Variants in NVL observed in about 807,000 individuals in gnomAD.
NVL encodes the protein nuclear VCP like.
NVL carries 84 observed loss-of-function variants against 110.2 expected under a neutral mutation model. That is an observed-to-expected ratio of 0.76 (90% CI 0.64 to 0.91). NVL has a LOEUF of 0.91. Ranked by LOEUF, NVL falls within the 40% of genes least tolerant of loss-of-function variation. NVL has a pLI of 0.00. For missense variants in NVL, 882 were observed against 1,035.9 expected, an observed-to-expected ratio of 0.85 and a Z score of 2.04; for synonymous variants, 354 against 361.1, an observed-to-expected ratio of 0.98 and a Z score of 0.22.
intron 6 of NVL, among the ~76,000 whole-genome samples, chr1:224,306,686 G>C (rs1253883743): frequency 6.6e-6 from 1 of 152,252 alleles, no homozygotes; most frequent in East Asian, 1.9e-4. Flanking sequence ...ACAAAACTTA[G>C]CCAGGTGTGG....
intron 13 of NVL, among the ~76,000 whole-genome samples, chr1:224,288,578 TTTG>T (rs1267617547): frequency 2.0e-5 from 3 of 151,936 alleles, no homozygotes; most frequent in Admixed American, 1.3e-4. Context: ...AAGGAATGAG[TTTG>T]TTATTTTTTA....
intron 15 of NVL, among the ~76,000 whole-genome samples, chr1:224,284,109 G>T (rs1293945396): frequency 6.6e-6 from 1 of 152,142 alleles, no homozygotes; most frequent in African/African-American, 2.4e-5. Context: ...ACATAGGGAA[G>T]ACAGTTCTAA....
chr1:224,286,395 G>C (rs185896239), intron 14 of NVL, among the ~76,000 whole-genome samples: 1 of 151,844 alleles, frequency 6.6e-6, no homozygotes. Context: ...TAGTAGAGTC[G>C]GGGTTTCACC....
At chr1:224,270,927 A>C (rs1665030349) in intron 17 of NVL, among the ~76,000 whole-genome samples, 1 of 152,224 alleles carries the variant, frequency 6.6e-6, no homozygotes, top group Admixed American at 6.5e-5. Flanking sequence ...AGTTTTTGTG[A>C]AGGATGATAC....
At chr1:224,249,889 A>G (rs1165427523) in intron 19 of NVL, among the ~76,000 whole-genome samples, 1 of 152,160 alleles carries the variant, frequency 6.6e-6, no homozygotes, top group East Asian at 1.9e-4. Context: ...GGGTGCCACC[A>G]TATCTGGCTA....
chr1:224,256,966 A>T, intron 18 of NVL: 1 of 473,162 alleles, frequency 2.1e-6, no homozygotes, highest in Non-Finnish European at 4.4e-6. Context: ...AACCACCACC[A>T]CCTTGCACCT....
intron 19 of NVL, among the ~76,000 whole-genome samples, chr1:224,239,942 G>A (rs1397635241): frequency 2.0e-5 from 3 of 152,158 alleles, no homozygotes; most frequent in African/African-American, 7.2e-5. Flanking sequence ...TGTGTCACCA[G>A]GCTGGAGTGC....
Position 224,317,905 on chromosome 1 carries a change from T to C in NVL, c.157A>G (p.Asn53Asp). ...TTTTCTACCTGAATCCTAAAAGCAT[T>C]TCTTTTTCTTCGACCATAGTCTATA... ...YSIDYGRRKR[N>D]AFRIQVEKVF... is the part of the protein sequence containing the mutation. Residue 53 changes from asparagine to aspartate, a missense_variant, in exon 3 of 23, where the codon AAT becomes GAT. By Grantham distance (23) the Asn-to-Asp change is conservative. Around this residue, in one of 4 missense-constraint regions of NVL, gnomAD observed 274 missense variants for 268.4 expected, o/e 1.02. Transcript: ENST00000281701. The C allele has an allele frequency of 6.3e-7, 1 of 1,598,564 alleles. No individual in the cohort carries two copies. The highest frequency in any genetic ancestry group is 8.6e-7 in the Non-Finnish European group (1 of 1,168,536).
chr1:224,318,850 G>A (rs903677009), intron 2 of NVL, among the ~76,000 whole-genome samples: 4 of 151,398 alleles, frequency 2.6e-5, no homozygotes, highest in African/African-American at 7.3e-5. Context: ...TTAGCCAGGC[G>A]TGGTGGTGGG....
intron 12 of NVL, among the ~76,000 whole-genome samples, chr1:224,290,948 G>A (rs1366623881): frequency 1.3e-5 from 2 of 152,146 alleles, no homozygotes; most frequent in East Asian, 1.9e-4. Context: ...CAGCCCGGAC[G>A]ACAGAGCAAG....
chr1:224,239,354 T>C (rs1197228913), intron 19 of NVL, among the ~76,000 whole-genome samples: 1 of 152,142 alleles, frequency 6.6e-6, no homozygotes, highest in Non-Finnish European at 1.5e-5. Flanking sequence ...TGAGTATATA[T>C]AATTTTGTGC....
intron 4 of NVL, among the ~76,000 whole-genome samples, chr1:224,315,083 C>A (rs1332013152): frequency 1.3e-5 from 2 of 151,076 alleles, no homozygotes; most frequent in African/African-American, 4.9e-5. Context: ...AGAGACAAGG[C>A]CTCACTCTCT....
chr1:224,245,709 A>G (rs1331470487), intron 19 of NVL, among the ~76,000 whole-genome samples: 2 of 151,766 alleles, frequency 1.3e-5, no homozygotes, highest in African/African-American at 4.8e-5. Flanking sequence ...TAATCCCAGC[A>G]CTTTGAGAGG....
chr1:224,317,301 T>C (rs1670186253), intron 4 of NVL, among the ~76,000 whole-genome samples: 1 of 152,182 alleles, frequency 6.6e-6, no homozygotes, highest in Non-Finnish European at 1.5e-5. Flanking sequence ...GAGACAGTAC[T>C]GTTGGTAATG....
In NVL at chr1:224,267,697, A is replaced by AG. The variant is rs1416127444; in HGVS notation, c.2182+336_2182+337insC. Among the ~76,000 whole-genome samples, 440 of 152,018 alleles carry AG rather than the reference A, an allele frequency of 2.9e-3. 3 individuals carry two copies. Among genetic ancestry groups the AG allele is most frequent in the African/African-American group, 9.8e-3 (408 of 41,456 alleles). ...GCGAGATTCTGTCTCAAAAAAAAAA[A>AG]AAAAAAAAAGTGTATGCTGCAACTG... On this transcript the variant is annotated intron_variant, in intron 18 of 22. Transcript: ENST00000281701.
In NVL at chr1:224,236,772, G is replaced by A. The variant is rs182836108; in HGVS notation, c.2290-190C>T. ...CTACAAATACAAAAATTAGCTGGGC[G>A]TTATGGTATGCACCTGTAGTCCCAG... On this transcript the variant is annotated intron_variant, in intron 19 of 22. Coordinates refer to ENST00000281701, the MANE Select transcript of NVL (RefSeq NM_002533.4). The A allele has an allele frequency of 8.8e-4, 412 of 468,132 alleles. 2 individuals are homozygous for A. The highest frequency in any genetic ancestry group is 7.1e-3 in the African/African-American group (355 of 50,250). The allele number at this position is 468,132 out of a possible 1,614,324, so 29.0% of individuals were successfully genotyped here.
intron 19 of NVL, among the ~76,000 whole-genome samples, chr1:224,242,487 C>T (rs367711561): frequency 1.9e-4 from 24 of 128,286 alleles, no homozygotes; most frequent in East Asian, 4.5e-4. Flanking sequence ...CAAATCTATT[C>T]TTTTTTTTTT....
At chr1:224,308,868 T>C (rs1669218456) in intron 5 of NVL, among the ~76,000 whole-genome samples, 1 of 151,972 alleles carries the variant, frequency 6.6e-6, no homozygotes, top group African/African-American at 2.4e-5. Context: ...AAAACCATCC[T>C]GGCTAACACG....
intron 15 of NVL, 23 bp from the exon 16 acceptor site, chr1:224,281,208 C>G: frequency 6.3e-7 from 1 of 1,595,318 alleles, no homozygotes; most frequent in East Asian, 2.2e-5. Flanking sequence ...AACAAAAAGA[C>G]ACAAATAAGA....
Sources: gnomAD v4.1 joint callset for allele counts (sites outside exome capture counted in the v4.1 genomes callset) on GRCh38, gnomAD v4.1.1 for gene constraint, gnomAD v4.1.1 regional missense constraint, MANE v1.5 for transcripts, NCBI Gene and HGNC (gene_info 2026-07-23, HGNC 2026-07-21) for gene names.